The following ADGRL3 variants were observed in gnomAD, a reference collection of about 807,000 sequenced individuals.
The protein encoded by ADGRL3 is adhesion G protein-coupled receptor L3.
Under a neutral mutation model 153.5 loss-of-function variants are expected in ADGRL3, and 62 were observed. That is an observed-to-expected ratio of 0.40 (90% CI 0.33 to 0.50). ADGRL3 has a LOEUF of 0.50. Ranked by LOEUF, ADGRL3 falls within the 20% of genes least tolerant of loss-of-function variation. The pLI is 0.47. For missense variants in ADGRL3, 1,641 were observed against 1,859.4 expected (o/e 0.88, Z 2.16); for synonymous variants, 710 against 672.5 (o/e 1.06, Z -0.86).
At chr4:61,773,473 C>G (rs2097109399) in intron 8 of ADGRL3, among the ~76,000 whole-genome samples, 1 of 152,108 alleles carries the variant, frequency 6.6e-6, no homozygotes, top group African/African-American at 2.4e-5. Flanking sequence ...TTCTTTCCAC[C>G]AAATTATTAC....
At position 61,895,839 on chromosome 4, in the gene ADGRL3, A is replaced by G. The variant is rs929949517; in HGVS notation, c.1887+5A>G. On this transcript the variant is annotated splice_donor_5th_base_variant and intron_variant, in intron 11 of 26. Coordinates refer to ENST00000683033, the MANE Select transcript of ADGRL3 (RefSeq NM_001387552.1). The stretch of plus-strand genomic sequence containing the variant: ...GTCAATCATATAACACAGAAGGTAA[A>G]TCTTGTGACTGACAAGAAAGTCTTT... The G allele has an allele frequency of 3.9e-6, 6 of 1,527,554 alleles. No individual in the cohort carries two copies. The highest frequency in any genetic ancestry group is 2.7e-5 in the African/African-American group (2 of 72,830). 94.6% of individuals were successfully genotyped at this position (1,527,554 alleles called of 1,614,324 possible). A position where few individuals can be genotyped will look rare whatever the true frequency, so the allele number is the denominator to read the frequency against.
chr4:62,017,872 G>T (rs1020827028), intron 21 of ADGRL3, among the ~76,000 whole-genome samples: 2 of 151,722 alleles, frequency 1.3e-5, no homozygotes, highest in East Asian at 1.9e-4. Flanking sequence ...GTAGAGCTTT[G>T]TTTTTTTTGT....
intron 5 of ADGRL3, among the ~76,000 whole-genome samples, chr4:61,649,200 A>G (rs1478964976): frequency 6.6e-6 from 1 of 152,098 alleles, no homozygotes; most frequent in Non-Finnish European, 1.5e-5. Flanking sequence ...TAGTAGTTAC[A>G]TATGGATGTA....
chr4:61,455,950 G>C (rs2097730441), intron 2 of ADGRL3, among the ~76,000 whole-genome samples: 1 of 151,772 alleles, frequency 6.6e-6, no homozygotes, highest in Non-Finnish European at 1.5e-5. Context: ...CAAGTAGCTG[G>C]GATTACAGGC....
chr4:61,976,989 A>G (rs1339716749), intron 17 of ADGRL3, among the ~76,000 whole-genome samples: 1 of 152,130 alleles, frequency 6.6e-6, no homozygotes, highest in East Asian at 1.9e-4. Context: ...TTCCTGCTAA[A>G]CAGTCATACT....
In ADGRL3 at chr4:61,754,134, G is replaced by T. The variant is rs117073138; in HGVS notation, c.1399+20580G>T. 5.5e-4 allele frequency among the ~76,000 whole-genome samples: 84 copies of T among 152,218 alleles called. No individual in the cohort carries two copies. The East Asian group carries it at 0.011, about 19-fold the overall frequency. ...CATTGGCCCCATGAAATCAAATTTA[G>T]TTCCTTAAAACTTTCTAGTCATATC... On this transcript the variant is annotated intron_variant, in intron 8 of 26. Transcript: ENST00000683033.
intron 9 of ADGRL3, among the ~76,000 whole-genome samples, chr4:61,864,543 T>C (rs934170217): frequency 3.3e-5 from 5 of 152,198 alleles, no homozygotes; most frequent in African/African-American, 4.8e-5. Context: ...AGCTTTTAGA[T>C]GTTATTGTGA....
chr4:61,795,219 C>T (rs2097395197), intron 8 of ADGRL3, among the ~76,000 whole-genome samples: 3 of 152,148 alleles, frequency 2.0e-5, no homozygotes, highest in Non-Finnish European at 2.9e-5. Flanking sequence ...CCTCGAACTT[C>T]TAGGCTCAAA....
At position 62,074,875 on chromosome 4, in the gene ADGRL3, A is replaced by G. The variant is rs1414879379; in HGVS notation, c.*3967A>G. The G allele has an allele frequency of 6.6e-6, 1 of 152,176 alleles. No homozygotes were observed. 9.4% of individuals were successfully genotyped at this position (152,176 alleles called of 1,614,324 possible). A position where few individuals can be genotyped will look rare whatever the true frequency, so the allele number is the denominator to read the frequency against. ...GACAAAACTTTTCATAATAGATATA[A>G]GCATATAAGGGAATTAGTAACATTT... is the stretch of plus-strand genomic sequence containing the variant. On this transcript the variant is annotated 3_prime_UTR_variant, in exon 27 of 27. Transcript: ENST00000683033.
At chr4:61,582,006 AATAC>A (rs2098927963) in intron 4 of ADGRL3, among the ~76,000 whole-genome samples, 2 of 151,982 alleles carry the variant, frequency 1.3e-5, no homozygotes, top group South Asian at 4.1e-4. Context: ...TTTTGCTTTT[AATAC>A]ATAGGATTTG....
intron 4 of ADGRL3, among the ~76,000 whole-genome samples, chr4:61,570,351 CTCTT>C (rs1445129613): frequency 3.3e-5 from 5 of 152,094 alleles, no homozygotes; most frequent in Admixed American, 1.3e-4. Flanking sequence ...GGGTATTACT[CTCTT>C]TCTATTTTCA....
chr4:61,773,620 T>C (rs1220799557), intron 8 of ADGRL3, among the ~76,000 whole-genome samples: 1 of 152,182 alleles, frequency 6.6e-6, no homozygotes, highest in Admixed American at 6.5e-5. Flanking sequence ...TATTTTAATT[T>C]CTTAAAAAAA....
rs59691960 is a variant in ADGRL3, at chr4:61,215,541, A to ATT, written c.-240+13803_-240+13804dup. On this transcript the variant is annotated intron_variant, in intron 1 of 26. Coordinates refer to ENST00000683033, the MANE Select transcript of ADGRL3 (RefSeq NM_001387552.1). ...AGCACATGCTGCCTTCTATTATGGA[A>ATT]TTTTTTTTTTTTTTTTTTTTTTTTT... is the stretch of plus-strand genomic sequence containing the variant. Among the ~76,000 whole-genome samples the ATT allele has an allele frequency of 5.2e-3, 380 of 73,704 alleles. 30 individuals carry two copies. The highest frequency in any genetic ancestry group is 5.7e-3 in the African/African-American group (112 of 19,690). 48.4% of individuals were successfully genotyped at this position (73,704 alleles called of 152,430 possible). A position where few individuals can be genotyped will look rare whatever the true frequency, so the allele number is the denominator to read the frequency against.
At chr4:62,031,953 TTA>T (rs1491251516) in intron 23 of ADGRL3, among the ~76,000 whole-genome samples, 2 of 87,820 alleles carry the variant, frequency 2.3e-5, no homozygotes, top group African/African-American at 3.5e-5. Flanking sequence ...GAGGCATGAG[TTA>T]TACACACACA....
intron 9 of ADGRL3, among the ~76,000 whole-genome samples, chr4:61,818,070 A>G (rs899362173): frequency 5.9e-5 from 9 of 152,168 alleles, no homozygotes; most frequent in African/African-American, 2.2e-4. Flanking sequence ...AACTCATTTC[A>G]GCATTAACTA....
chr4:61,436,276 A>G (rs1210410293), intron 2 of ADGRL3, among the ~76,000 whole-genome samples: 1 of 152,222 alleles, frequency 6.6e-6, no homozygotes, highest in Non-Finnish European at 1.5e-5. Flanking sequence ...ACTAGATCCA[A>G]AAAAATCAGT....
intron 2 of ADGRL3, among the ~76,000 whole-genome samples, chr4:61,437,708 A>C (rs79640758): frequency 1.3e-5 from 2 of 152,318 alleles, no homozygotes; most frequent in East Asian, 3.9e-4. Flanking sequence ...TATACAGATC[A>C]AAATCCATGG....
chr4:61,216,487 T>C (rs1742832922), intron 1 of ADGRL3, among the ~76,000 whole-genome samples: 1 of 152,168 alleles, frequency 6.6e-6, no homozygotes, highest in African/African-American at 2.4e-5. Context: ...GTGTATACCT[T>C]GAGTGTAGAA....
intron 2 of ADGRL3, among the ~76,000 whole-genome samples, chr4:61,442,306 A>G (rs1255193192): frequency 6.6e-6 from 1 of 152,180 alleles, no homozygotes; most frequent in Non-Finnish European, 1.5e-5. Flanking sequence ...AGGAATGACT[A>G]TGGTTTGCTG....
Sources: gnomAD v4.1 joint callset for allele counts (sites outside exome capture counted in the v4.1 genomes callset) on GRCh38, gnomAD v4.1.1 for gene constraint, MANE v1.5 for transcripts, NCBI Gene and HGNC (gene_info 2026-07-23, HGNC 2026-07-21) for gene names.